MSH4: variants seen among roughly 807,000 people sequenced by gnomAD.
MSH4 encodes the protein mutS homolog 4.
In MSH4, 106 loss-of-function variants were observed where a neutral mutation model predicts 113.7. The observed-to-expected ratio is 0.93, with a 90% confidence interval of 0.80 to 1.10. The LOEUF (loss-of-function observed/expected upper bound fraction) is 1.10. Ranked by LOEUF, MSH4 falls within the 50% of genes least tolerant of loss-of-function variation. MSH4 has a pLI of 0.00. For missense variants in MSH4, 1,061 were observed against 1,093.7 expected (o/e 0.97, Z 0.42); for synonymous variants, 368 against 380.2 (o/e 0.97, Z 0.37).
chr1:75,798,437 A>G (rs1019893544), intron 1 of MSH4, among the ~76,000 whole-genome samples: 3 of 152,138 alleles, frequency 2.0e-5, no homozygotes, highest in Non-Finnish European at 4.4e-5. Flanking sequence ...AGATGTGACT[A>G]TCTCCACAGC....
rs5745409 is a variant in MSH4 at position 75,848,460 on chromosome 1, A to G, written c.1230+184A>G. Among the ~76,000 whole-genome samples the G allele has an allele frequency of 7.5e-3, 1,142 of 152,334 alleles. 10 individuals carry two copies. The highest frequency in any genetic ancestry group is 0.026 in the African/African-American group (1,094 of 41,568). On this transcript the variant is annotated intron_variant, in intron 8 of 19. Coordinates refer to ENST00000263187, the MANE Select transcript of MSH4 (RefSeq NM_002440.4). ...CCTAATGTATTATCCTGTATGTTAT[A>G]GTGAAATTTAAAATTTCAGCCCGGC...
intron 15 of MSH4, 93 bp from the exon 16 acceptor site, chr1:75,889,158 T>C: frequency 4.6e-6 from 3 of 650,844 alleles, no homozygotes; most frequent in Non-Finnish European, 8.1e-6. Flanking sequence ...TTCTACCATA[T>C]AATCCTTGTA....
chr1:75,886,838 A>G (rs1471423843), intron 15 of MSH4, among the ~76,000 whole-genome samples: 1 of 10,820 alleles, frequency 9.2e-5, no homozygotes, highest in East Asian at 3.5e-3. Flanking sequence ...ATATATATAT[A>G]TTATATATAT....
intron 18 of MSH4, 41 bp from the exon 19 acceptor site, chr1:75,899,577 A>G (rs756379080): frequency 2.6e-6 from 3 of 1,153,010 alleles, no homozygotes; most frequent in Non-Finnish European, 2.4e-6. Flanking sequence ...AAATGCCAGC[A>G]GTAACAATAT....
intron 18 of MSH4, among the ~76,000 whole-genome samples, chr1:75,898,523 T>A (rs947883986): frequency 2.9e-4 from 43 of 149,484 alleles, no homozygotes; most frequent in Middle Eastern, 3.4e-3. Context: ...AAACCATATT[T>A]TTTTTTTTTT....
chr1:75,906,439 T>TAAA (rs1197993442), intron 19 of MSH4, among the ~76,000 whole-genome samples: 1 of 75,136 alleles, frequency 1.3e-5, no homozygotes, highest in African/African-American at 5.5e-5. Context: ...ATTTTTAATA[T>TAAA]ATATAATATA....
intron 7 of MSH4, among the ~76,000 whole-genome samples, chr1:75,826,662 C>G (rs1650561473): frequency 6.6e-6 from 1 of 152,086 alleles, no homozygotes; most frequent in African/African-American, 2.4e-5. Context: ...TACATTGTCT[C>G]TTTGTTTTCA....
chr1:75,822,241 A>G (rs2131558), intron 6 of MSH4, among the ~76,000 whole-genome samples, 168 bp from the exon 7 acceptor site: 38,295 of 148,994 alleles, frequency 0.26, 6,190 homozygotes, highest in East Asian at 0.68. Context: ...GTGAGCCGAG[A>G]TCGCGCCACT....
At chr1:75,814,234 C>G (rs1352670013) in intron 4 of MSH4, among the ~76,000 whole-genome samples, 1 of 145,582 alleles carries the variant, frequency 6.9e-6, no homozygotes, top group Admixed American at 7.1e-5. Flanking sequence ...GGGAGAATCA[C>G]TTGAGCCCAG....
At chr1:75,852,168 A>G (rs909590576) in intron 8 of MSH4, among the ~76,000 whole-genome samples, 2 of 152,172 alleles carry the variant, frequency 1.3e-5, no homozygotes, top group South Asian at 2.1e-4. Context: ...TGGATTTTTA[A>G]CTTAGCATAA....
At chr1:75,872,056 T>C (rs1475894694) in intron 9 of MSH4, among the ~76,000 whole-genome samples, 2 of 152,220 alleles carry the variant, frequency 1.3e-5, no homozygotes, top group African/African-American at 4.8e-5. Context: ...CTTGACCTTA[T>C]GTAATGTGTT....
chr1:75,810,202 T>TA (rs1650157849), intron 3 of MSH4, among the ~76,000 whole-genome samples: 2 of 145,164 alleles, frequency 1.4e-5, no homozygotes, highest in African/African-American at 5.0e-5. Flanking sequence ...TATATACATA[T>TA]ATATTTTATT....
chr1:75,859,680 ATTATGTGGTTGAT>A (rs1422006051), intron 8 of MSH4, among the ~76,000 whole-genome samples: 1 of 152,130 alleles, frequency 6.6e-6, no homozygotes, highest in East Asian at 1.9e-4. Context: ...TTTACTTCCA[ATTATGTGGTTGAT>A]TTTAGAATTA....
At chr1:75,824,904 G>GTTTTTTTTTTTTTTTTTTTTTTT (rs71588855) in intron 7 of MSH4, among the ~76,000 whole-genome samples, 2 of 120,256 alleles carry the variant, frequency 1.7e-5, no homozygotes, top group African/African-American at 3.1e-5. Flanking sequence ...CTTCAGCTTT[G>GTTTTTTTTTTTTTTTTTTTTTTT]TTTTTTTTTT....
At chr1:75,830,969 G>A (rs1284127361) in intron 7 of MSH4, among the ~76,000 whole-genome samples, 1 of 152,084 alleles carries the variant, frequency 6.6e-6, no homozygotes, top group African/African-American at 2.4e-5. Context: ...TGGGCTAAAT[G>A]CTCCAATTAA....
chr1:75,852,261 A>G (rs1363296331), intron 8 of MSH4, among the ~76,000 whole-genome samples: 1 of 152,190 alleles, frequency 6.6e-6, no homozygotes, highest in African/African-American at 2.4e-5. Flanking sequence ...TGGATATAAC[A>G]CATTTGGTTT....
intron 11 of MSH4, among the ~76,000 whole-genome samples, chr1:75,878,675 G>A (rs1397507211): frequency 6.6e-6 from 1 of 151,870 alleles, no homozygotes; most frequent in African/African-American, 2.4e-5. Context: ...GAGAAAATTT[G>A]CCAGGCATGG....
chr1:75,802,427 C>T (rs562302341), intron 1 of MSH4, among the ~76,000 whole-genome samples: 23 of 152,208 alleles, frequency 1.5e-4, no homozygotes, highest in African/African-American at 4.8e-4. Context: ...AAAGAGAATT[C>T]AAGATAGAGA....
At chr1:75,820,910 A>C (rs1146654) in intron 6 of MSH4, among the ~76,000 whole-genome samples, 123,389 of 144,432 alleles carry the variant, frequency 0.85, 52,793 homozygotes, top group South Asian at 0.93. Context: ...TAAAGCAAGT[A>C]CTTAGAGACC....
Sources: gnomAD v4.1 joint callset for allele counts (sites outside exome capture counted in the v4.1 genomes callset) on GRCh38, gnomAD v4.1.1 for gene constraint, MANE v1.5 for transcripts, NCBI Gene and HGNC (gene_info 2026-07-23, HGNC 2026-07-21) for gene names.